DCAF12: variants seen among roughly 807,000 people sequenced by gnomAD.
DCAF12 encodes the protein DDB1- and CUL4-associated factor 12.
Under a neutral mutation model 52.8 loss-of-function variants are expected in DCAF12, and 28 were observed. The ratio of observed to expected loss-of-function variants is 0.53; its 90% CI spans 0.39 to 0.73. DCAF12 has a LOEUF of 0.73. DCAF12 is among the 30% of genes least tolerant of loss of function. DCAF12 has a pLI of 0.00. For missense variants in DCAF12, 425 were observed against 552.2 expected (o/e 0.77, Z 2.31); for synonymous variants, 196 against 215.5 (o/e 0.91, Z 0.79).
At chr9:34,098,145 G>C (rs1289582842) in intron 5 of DCAF12, among the ~76,000 whole-genome samples, 179 bp downstream of exon 5, 1 of 152,156 alleles carries the variant, frequency 6.6e-6, no homozygotes, top group Non-Finnish European at 1.5e-5. Context: ...CCAATTGAAG[G>C]GGTGGGTTTC....
At chr9:34,101,540 G>A (rs956205623) in intron 4 of DCAF12, among the ~76,000 whole-genome samples, 2 of 151,944 alleles carry the variant, frequency 1.3e-5, no homozygotes, top group Admixed American at 1.3e-4. Context: ...TTACAGGCAT[G>A]TGCCACCATG....
rs147302707 is a variant in DCAF12, at chr9:34,103,492, G to A, written c.601+2942C>T. Among the ~76,000 whole-genome samples the A allele has an allele frequency of 4.1e-3, 627 of 152,098 alleles. 1 individual carries two copies. The highest frequency in any genetic ancestry group is 6.0e-3 in the Non-Finnish European group (405 of 68,002). On this transcript the variant is annotated intron_variant, in intron 4 of 8. Transcript: ENST00000361264. ...TATCACAATACCCATACACAAAGTTGTTTATTCGGAACACTCAGTATGTTC... is the reference window on the plus strand; with the variant it reads ...TATCACAATACCCATACACAAAGTTATTTATTCGGAACACTCAGTATGTTC...
intron 2 of DCAF12, among the ~76,000 whole-genome samples, chr9:34,108,641 C>A (rs1587737197): frequency 6.6e-6 from 1 of 151,884 alleles, no homozygotes; most frequent in East Asian, 1.9e-4. Context: ...ACAAAATTAG[C>A]TGGGCATGGT....
At chr9:34,126,089 G>T (rs1256742978) in intron 1 of DCAF12, among the ~76,000 whole-genome samples, 1 of 152,088 alleles carries the variant, frequency 6.6e-6, no homozygotes, top group African/African-American at 2.4e-5. Flanking sequence ...CAAGATTCTG[G>T]TTTCTTTTCA....
chr9:34,125,911 A>G (rs370786246), intron 1 of DCAF12, among the ~76,000 whole-genome samples: 4 of 152,212 alleles, frequency 2.6e-5, no homozygotes, highest in Non-Finnish European at 5.9e-5. Flanking sequence ...TTGGGGTCCA[A>G]ACGCCGAAAG....
chr9:34,104,670 T>A (rs1005158490), intron 4 of DCAF12, among the ~76,000 whole-genome samples: 9 of 151,700 alleles, frequency 5.9e-5, no homozygotes, highest in African/African-American at 2.2e-4. Context: ...AATCCCAGCA[T>A]TTTAGGAGGC....
chr9:34,096,633 G>GA (rs911124390), intron 6 of DCAF12, 83 bp downstream of exon 6: 122 of 1,254,842 alleles, frequency 9.7e-5, no homozygotes, highest in Non-Finnish European at 1.1e-4. Context: ...AAATAAACAT[G>GA]AAAAAAAAGC....
intron 5 of DCAF12, among the ~76,000 whole-genome samples, chr9:34,097,485 T>C (rs1828753397): frequency 6.6e-6 from 1 of 152,004 alleles, no homozygotes; most frequent in African/African-American, 2.4e-5. Context: ...CTCAAACTCC[T>C]GACCTTGTGA....
chr9:34,107,657 T>G, intron 2 of DCAF12, 92 bp from the exon 3 acceptor site: 1 of 1,086,984 alleles, frequency 9.2e-7, no homozygotes, highest in South Asian at 1.4e-5. Flanking sequence ...TTCATCAACA[T>G]TTAATTAACA....
intron 2 of DCAF12, among the ~76,000 whole-genome samples, chr9:34,119,894 G>A (rs1255506612): frequency 2.0e-5 from 3 of 151,708 alleles, no homozygotes; most frequent in African/African-American, 4.8e-5. Context: ...TAGAGATGGG[G>A]TCTCACTACA....
At position 34,126,606 on chromosome 9, in the gene DCAF12, G is replaced by A. The variant is rs1829255529; in HGVS notation, c.-175C>T. 2.9e-6 allele frequency: 2 copies of A among 695,332 alleles called. No homozygotes were observed. Among genetic ancestry groups the A allele is most frequent in the Non-Finnish European group, 2.3e-6 (1 of 428,766 alleles). 43.1% of individuals were successfully genotyped at this position (695,332 alleles called of 1,614,324 possible). ...AAGATAGGCGGAAAGAAAGGAAAGA[G>A]AGAGGAAGGACTTGAGCCGGGAAAG... is the stretch of plus-strand genomic sequence containing the variant. On this transcript the variant is annotated 5_prime_UTR_variant, in exon 1 of 9. Coordinates refer to ENST00000361264, the MANE Select transcript of DCAF12 (RefSeq NM_015397.4).
At chr9:34,109,758 T>C in intron 2 of DCAF12, 1 of 304,594 alleles carries the variant, frequency 3.3e-6, no homozygotes, top group Non-Finnish European at 6.7e-6. Context: ...CTCAGGCAGG[T>C]GGTGACCCCA....
intron 2 of DCAF12, among the ~76,000 whole-genome samples, chr9:34,117,843 G>A (rs1300455185): frequency 2.0e-5 from 3 of 152,150 alleles, no homozygotes. Context: ...GAACCCAGGA[G>A]GCGGAGGTTG....
intron 2 of DCAF12, among the ~76,000 whole-genome samples, chr9:34,119,399 T>C (rs1829137385): frequency 6.6e-6 from 1 of 152,224 alleles, no homozygotes; most frequent in South Asian, 2.1e-4. Flanking sequence ...CAACCACATA[T>C]ATATTTTAAT....
intron 4 of DCAF12, among the ~76,000 whole-genome samples, chr9:34,100,170 T>C (rs1298832304): frequency 6.7e-6 from 1 of 148,196 alleles, no homozygotes; most frequent in Non-Finnish European, 1.5e-5. Context: ...GAGTAGCTAA[T>C]ACAACAGGTA....
intron 2 of DCAF12, among the ~76,000 whole-genome samples, chr9:34,113,208 C>T (rs761778757): frequency 5.3e-5 from 8 of 152,034 alleles, no homozygotes; most frequent in Non-Finnish European, 7.4e-5. Flanking sequence ...CCTGCCACCA[C>T]GCCCGGCTAA....
At chr9:34,108,886 G>C (rs1221406464) in intron 2 of DCAF12, among the ~76,000 whole-genome samples, 1 of 149,328 alleles carries the variant, frequency 6.7e-6, no homozygotes, top group Non-Finnish European at 1.5e-5. Flanking sequence ...AGCTACTCAG[G>C]AGGCTGAGGC....
At chr9:34,092,426 G>A (rs1320057038) in intron 7 of DCAF12, among the ~76,000 whole-genome samples, 1 of 152,154 alleles carries the variant, frequency 6.6e-6, no homozygotes, top group African/African-American at 2.4e-5. Flanking sequence ...AGTGGCTCAC[G>A]CCTGTAATCT....
chr9:34,089,846 G>A (rs1365557308), intron 7 of DCAF12: 4 of 351,080 alleles, frequency 1.1e-5, no homozygotes, highest in Non-Finnish European at 2.1e-5. Flanking sequence ...GATTCCCGAT[G>A]ATGCTCAAGA....
Sources: gnomAD v4.1 joint callset for allele counts (sites outside exome capture counted in the v4.1 genomes callset) on GRCh38, gnomAD v4.1.1 for gene constraint, MANE v1.5 for transcripts, NCBI Gene and HGNC (gene_info 2026-07-23, HGNC 2026-07-21) for gene names.